The following MRPS6 variants were observed in gnomAD, a reference collection of about 807,000 sequenced individuals.
The protein encoded by MRPS6 is small ribosomal subunit protein bS6m.
In MRPS6, 6 loss-of-function variants were observed where a neutral mutation model predicts 13.1. The observed-to-expected ratio is 0.46, with a 90% CI of 0.25 to 0.91. MRPS6 has a LOEUF of 0.91. Among genes scored for constraint, MRPS6 ranks in the 40% least tolerant of loss-of-function variants. MRPS6 has a pLI of 0.18. For missense variants in MRPS6, 164 were observed against 155.6 expected (o/e 1.05, Z -0.29); for synonymous variants, 61 against 56.5 (o/e 1.08, Z -0.36).
chr21:34,128,064 G>C (rs892592885), intron 2 of MRPS6, among the ~76,000 whole-genome samples: 2 of 152,164 alleles, frequency 1.3e-5, no homozygotes, highest in Non-Finnish European at 2.9e-5. Flanking sequence ...TGGTACTGTT[G>C]GTATCGTGTG....
At chr21:34,075,165 AC>A (rs972062107) in intron 1 of MRPS6, among the ~76,000 whole-genome samples, 3 of 152,178 alleles carry the variant, frequency 2.0e-5, no homozygotes, top group South Asian at 2.1e-4. Flanking sequence ...CCTTCAACTT[AC>A]GTGTTTTAGG....
chr21:34,130,429 G>A (rs1168113123), intron 2 of MRPS6, among the ~76,000 whole-genome samples: 1 of 152,118 alleles, frequency 6.6e-6, no homozygotes, highest in Admixed American at 6.5e-5. Context: ...CCAGGGGAGG[G>A]GCAGAAGGGA....
At chr21:34,138,148 A>T (rs1209540028) in intron 2 of MRPS6, among the ~76,000 whole-genome samples, 6 of 152,078 alleles carry the variant, frequency 3.9e-5, no homozygotes, top group Non-Finnish European at 7.4e-5. Context: ...AATTTGTATC[A>T]GAATTGGTAT....
At chr21:34,129,252 C>T (rs773837766) in intron 2 of MRPS6, among the ~76,000 whole-genome samples, 4 of 152,026 alleles carry the variant, frequency 2.6e-5, no homozygotes, top group Non-Finnish European at 2.9e-5. Context: ...CAGGGCTGCA[C>T]GGAGCTTATG....
At chr21:34,105,767 T>G (rs1229893837) in intron 1 of MRPS6, 1 of 995,592 alleles carries the variant, frequency 1.0e-6, no homozygotes, top group East Asian at 1.1e-4. Context: ...AAGGTTTGAC[T>G]AATTGTATCC....
rs763983762 is a variant in MRPS6, at chr21:34,096,137, A to G, written c.45+22392A>G. 1.9e-6 allele frequency: 3 copies of G among 1,614,164 alleles called. No homozygotes were observed. The highest frequency in any genetic ancestry group is 2.2e-5 in the East Asian group (1 of 44,884). ...TAAAGCTCCTGCCAATGTTTATCAT[A>G]GTTGTCCCAGGAATGATTTCCAGGA... is the stretch of plus-strand genomic sequence containing the variant. On this transcript the variant is annotated intron_variant, in intron 1 of 2. Transcript: ENST00000399312. This position sits in a 1 kb window ranked among gnomAD's most constrained non-coding sequence, Gnocchi z 5.9.
chr21:34,120,967 T>C (rs1980097473), intron 1 of MRPS6, among the ~76,000 whole-genome samples: 1 of 152,158 alleles, frequency 6.6e-6, no homozygotes, highest in East Asian at 1.9e-4. Flanking sequence ...TAGGAGTAAG[T>C]AAGCAAGAGA....
intron 2 of MRPS6, among the ~76,000 whole-genome samples, chr21:34,141,417 G>A (rs534925572): frequency 1.3e-5 from 2 of 152,168 alleles, no homozygotes; most frequent in Non-Finnish European, 2.9e-5. Context: ...GTGACATTTG[G>A]ACAGAGACAT....
chr21:34,133,440 A>G (rs999781396), intron 2 of MRPS6, among the ~76,000 whole-genome samples: 11 of 152,208 alleles, frequency 7.2e-5, no homozygotes, highest in Non-Finnish European at 1.6e-4. Context: ...TGAGACTCCT[A>G]GGCTAGCTCA....
At chr21:34,099,885 A>G (rs1436138827) in intron 1 of MRPS6, 2 of 359,532 alleles carry the variant, frequency 5.6e-6, no homozygotes, top group Non-Finnish European at 8.2e-6. Context: ...AGTAATAGAT[A>G]ATGTGCTCGA....
chr21:34,119,390 G>A (rs1189911349), intron 1 of MRPS6, among the ~76,000 whole-genome samples: 1 of 152,172 alleles, frequency 6.6e-6, no homozygotes, highest in African/African-American at 2.4e-5. Flanking sequence ...CACAGGGACA[G>A]CCTTTCTATT....
At chr21:34,102,135 T>A in intron 1 of MRPS6, 3 of 1,000,140 alleles carry the variant, frequency 3.0e-6, no homozygotes, top group Non-Finnish European at 3.6e-6. Context: ...ATATGGAATG[T>A]TTTTGTCAGA....
chr21:34,105,446 TGTC>T, intron 1 of MRPS6: 2 of 999,090 alleles, frequency 2.0e-6, no homozygotes, highest in Non-Finnish European at 2.4e-6. Context: ...TTAAGCCAAA[TGTC>T]AGCAGAGTGC....
At chr21:34,097,914 C>G (rs4817621) in intron 1 of MRPS6, 1 of 997,734 alleles carries the variant, frequency 1.0e-6, no homozygotes, top group Non-Finnish European at 1.2e-6. Flanking sequence ...TCTGATTTCC[C>G]AAAGAAAGAA....
rs550562470 is a variant in MRPS6 at position 34,106,937 on chromosome 21, T to C, written c.46-18404T>C. Among the ~76,000 whole-genome samples the C allele has an allele frequency of 2.0e-5, 3 of 152,332 alleles. No individual in the cohort carries two copies. The South Asian group carries it at 6.2e-4, about 32-fold the overall frequency. On this transcript the variant is annotated intron_variant, in intron 1 of 2. Transcript: ENST00000399312. ...CTTTCACGGTATTGACTTTTTTTTT[T>C]TGGCGGTGGAGGGGAAATGTGACTT... is the stretch of plus-strand genomic sequence containing the variant.
At chr21:34,103,279 A>G (rs1979326985) in intron 1 of MRPS6, 2 of 991,976 alleles carry the variant, frequency 2.0e-6, no homozygotes, top group African/African-American at 3.6e-5. Flanking sequence ...TGTATTTGTT[A>G]TTCCTCTTAA....
chr21:34,132,546 A>C (rs886796750), intron 2 of MRPS6, among the ~76,000 whole-genome samples: 1 of 152,200 alleles, frequency 6.6e-6, no homozygotes, highest in African/African-American at 2.4e-5. Context: ...GAAGCTAGGA[A>C]AGCCCAGTGT....
intron 1 of MRPS6, among the ~76,000 whole-genome samples, chr21:34,075,972 G>C (rs1229206153): frequency 6.6e-6 from 1 of 152,216 alleles, no homozygotes; most frequent in Non-Finnish European, 1.5e-5. Flanking sequence ...TGCTTCTGTT[G>C]CAAGAAGGGT....
At chr21:34,097,397 C>T (rs778783294) in intron 1 of MRPS6, 2 of 1,398,192 alleles carry the variant, frequency 1.4e-6, no homozygotes, top group Non-Finnish European at 9.2e-7. Flanking sequence ...ACAATACTGA[C>T]TGGTCTTTGG....
Sources: gnomAD v4.1 joint callset for allele counts (sites outside exome capture counted in the v4.1 genomes callset) on GRCh38, gnomAD v4.1.1 for gene constraint, Gnocchi (gnomAD v3.1) non-coding constraint, MANE v1.5 for transcripts, NCBI Gene and HGNC (gene_info 2026-07-23, HGNC 2026-07-21) for gene names.